Variants in RNF10 observed in about 807,000 individuals in gnomAD.
The protein encoded by RNF10 is E3 ubiquitin-protein ligase RNF10.
A neutral mutation model predicts 91.4 loss-of-function variants in RNF10; 38 were observed. That is an observed-to-expected ratio of 0.42 (90% CI 0.32 to 0.54). RNF10 has a LOEUF of 0.54. RNF10 is among the 20% of genes least tolerant of loss of function. RNF10 has a pLI of 0.16. For missense variants in RNF10, 945 were observed against 1,012.0 expected (o/e 0.93, Z 0.90); for synonymous variants, 364 against 366.3 (o/e 0.99, Z 0.07).
rs1361692415 is a variant in RNF10, at chr12:120,552,577, AATT to A, written c.434_436del (p.Asn145_Phe146delinsIle). On this transcript the variant is annotated inframe_deletion, in exon 3 of 17. Coordinates refer to ENST00000325954, the MANE Select transcript of RNF10 (RefSeq NM_014868.5). Reference sequence around the variant, plus strand: ...GAAGATCAACCTGAACCACTTGTTGAATTTCACTTTTGAACCCCGTGGCCAGAC... The same window carrying A: ...GAAGATCAACCTGAACCACTTGTTGATCACTTTTGAACCCCGTGGCCAGAC... 1 of 1,614,200 alleles carries A rather than the reference AATT, an allele frequency of 6.2e-7. No individual in the cohort carries two copies.
intron 16 of RNF10, 114 bp downstream of exon 16, chr12:120,576,064 C>A: frequency 9.7e-7 from 1 of 1,032,948 alleles, no homozygotes; most frequent in East Asian, 2.4e-5. Flanking sequence ...CTTCTGAACC[C>A]TTCAGCACAC....
Position 120,565,023 on chromosome 12 carries a change from T to G in RNF10, c.1666-49T>G, listed in dbSNP as rs745417589. 20 of 1,311,490 alleles carry G rather than the reference T, an allele frequency of 1.5e-5. No homozygotes were observed. In the South Asian group the frequency reaches 2.4e-4, roughly 16 times the overall value. 81.2% of individuals were successfully genotyped at this position (1,311,490 alleles called of 1,614,324 possible). A position where few individuals can be genotyped will look rare whatever the true frequency, so the allele number is the denominator to read the frequency against. On this transcript the variant is annotated intron_variant, in intron 10 of 16. Coordinates refer to ENST00000325954, the MANE Select transcript of RNF10 (RefSeq NM_014868.5). ...ATATCGGGGTTAGGACCCCCTGCTT[T>G]CAGAGTTAGGCTTGCTTTTGTTGAG...
chr12:120,575,432 T>C (rs1877256704), intron 14 of RNF10, 199 bp from the exon 15 acceptor site: 2 of 605,836 alleles, frequency 3.3e-6, no homozygotes, highest in South Asian at 4.0e-5. Context: ...TTTACTACCT[T>C]GTGGGTTTCA....
At chr12:120,572,676 A>C (rs1593119733) in intron 14 of RNF10, among the ~76,000 whole-genome samples, 1 of 151,612 alleles carries the variant, frequency 6.6e-6, no homozygotes, top group African/African-American at 2.4e-5. Flanking sequence ...GCTCACTGCA[A>C]CCACCGCCTC....
At chr12:120,563,288 A>G in intron 8 of RNF10, 59 bp from the exon 9 acceptor site, 6 of 1,557,752 alleles carry the variant, frequency 3.9e-6, no homozygotes, top group Non-Finnish European at 5.2e-6. Context: ...TGCATTTGCC[A>G]CATTGCTTTC....
rs1873290844 is a variant in RNF10 at position 120,552,682 on chromosome 12, C to T, written c.538C>T (p.Leu180Phe). Residue 180 changes from leucine (L) to phenylalanine (F), a missense_variant, in exon 3 of 17, where the codon CTC becomes TTC. Physicochemically the swap from Leu to Phe is conservative, Grantham distance 22. Coordinates refer to ENST00000325954, the MANE Select transcript of RNF10 (RefSeq NM_014868.5). ...GGGACATAAGCCTTTTAACAAGGAA[C>T]TCTTTTTACAGGCCAAGTGAGTATT... is the stretch of plus-strand genomic sequence containing the variant. ...KWGHKPFNKELFLQANCQFVV... is the reference protein window; with the variant it reads ...KWGHKPFNKEFFLQANCQFVV... The T allele has an allele frequency of 6.2e-7, 1 of 1,613,840 alleles. No homozygotes were observed. The highest frequency in any genetic ancestry group is 8.5e-7 in the Non-Finnish European group (1 of 1,179,998).
rs1367061471 is a variant in RNF10 at position 120,534,406 on chromosome 12, G to T, written c.-406G>T. On this transcript the variant is annotated 5_prime_UTR_variant, in exon 1 of 17. Transcript: ENST00000325954. ...CCGGAGCAGGTCGGCCTCGGCCCAG[G>T]GGCGAGTATCCGTTGCTGTGTCGGA... 1 of 178,474 alleles carries T rather than the reference G, an allele frequency of 5.6e-6. No homozygotes were observed. The highest frequency in any genetic ancestry group is 1.2e-5 in the Non-Finnish European group (1 of 85,910). The allele number at this position is 178,474 out of a possible 1,614,324, so 11.1% of individuals were successfully genotyped here.
intron 6 of RNF10, 106 bp from the exon 7 acceptor site, chr12:120,560,620 C>T: frequency 6.7e-6 from 7 of 1,041,034 alleles, no homozygotes; most frequent in Non-Finnish European, 8.4e-6. Flanking sequence ...GCTAAATTAC[C>T]CCATTTTCAC....
At chr12:120,548,882 C>T (rs887233534) in intron 2 of RNF10, among the ~76,000 whole-genome samples, 8 of 151,838 alleles carry the variant, frequency 5.3e-5, no homozygotes, top group Admixed American at 1.3e-4. Context: ...GTGTTAGCCA[C>T]GGTGGTCTCG....
In RNF10 at chr12:120,560,776, G is replaced by T. The variant is rs1321194429; in HGVS notation, c.1018G>T (p.Val340Leu). 3.1e-6 allele frequency: 5 copies of T among 1,614,014 alleles called. No homozygotes were observed. In the Admixed American group the frequency reaches 6.7e-5, roughly 22 times the overall value. The change falls in exon 7 of 17, where the codon GTG becomes TTG. Residue 340 changes from valine (V) to leucine (L), a missense_variant. Coordinates refer to ENST00000325954, the MANE Select transcript of RNF10 (RefSeq NM_014868.5). ...GTTGCTGCTGGCCTCTAAGGAGCAG[G>T]TGCTGCACCGGGTAGTTCTGGAGGA... ...SKLLLASKEQ[V>L]LHRVVLEEKV...
chr12:120,552,394 C>T (rs1593072103), intron 2 of RNF10, 105 bp from the exon 3 acceptor site: 13 of 902,854 alleles, frequency 1.4e-5, no homozygotes, highest in African/African-American at 5.1e-5. Context: ...AGTAAGACTC[C>T]GTCTCAAAAA....
chr12:120,543,419 G>C (rs1871851824), intron 1 of RNF10, among the ~76,000 whole-genome samples: 1 of 152,084 alleles, frequency 6.6e-6, no homozygotes, highest in African/African-American at 2.4e-5. Flanking sequence ...GCTGAGGTGG[G>C]AAGATCACCT....
chr12:120,552,105 C>T (rs1313402024), intron 2 of RNF10, among the ~76,000 whole-genome samples: 1 of 147,130 alleles, frequency 6.8e-6, no homozygotes, highest in Admixed American at 6.9e-5. Context: ...AAAAAAATTC[C>T]TCTTCCTGGC....
At chr12:120,569,733 T>TCGC (rs1424820704) in intron 13 of RNF10, among the ~76,000 whole-genome samples, 8 of 151,976 alleles carry the variant, frequency 5.3e-5, no homozygotes, top group Non-Finnish European at 1.0e-4. Context: ...AGATGGGGTT[T>TCGC]CGCCATGTTG....
chr12:120,534,681 AG>A lies in RNF10; in HGVS notation c.-128del. 1.4e-6 allele frequency: 2 copies of A among 1,380,626 alleles called. No individual in the cohort carries two copies. The highest frequency in any genetic ancestry group is 1.9e-6 in the Non-Finnish European group (2 of 1,076,742). 85.5% of individuals were successfully genotyped at this position (1,380,626 alleles called of 1,614,324 possible). Reference sequence around the variant, plus strand: ...AGTTTGAGAAGCCAAGGAAGGAAACAGGGAAAAATGTCGCCATGAAGGCCGA... The same window carrying A: ...AGTTTGAGAAGCCAAGGAAGGAAACAGGAAAAATGTCGCCATGAAGGCCGA... On this transcript the variant is annotated 5_prime_UTR_variant, in exon 1 of 17. Coordinates refer to ENST00000325954, the MANE Select transcript of RNF10 (RefSeq NM_014868.5).
At chr12:120,557,192 A>T in intron 4 of RNF10, 90 bp from the exon 5 acceptor site, 1 of 1,096,184 alleles carries the variant, frequency 9.1e-7, no homozygotes. Flanking sequence ...GATGAGAGAG[A>T]TGCGGATGAG....
At chr12:120,548,076 C>T (rs1352634620) in intron 2 of RNF10, among the ~76,000 whole-genome samples, 1 of 152,134 alleles carries the variant, frequency 6.6e-6, no homozygotes, top group African/African-American at 2.4e-5. Context: ...GTACCTTTTG[C>T]TGGAATGGAG....
At chr12:120,565,329 C>A in intron 11 of RNF10, 99 bp from the exon 12 acceptor site, 2 of 1,213,820 alleles carry the variant, frequency 1.6e-6, no homozygotes, top group East Asian at 4.7e-5. Context: ...TCATCTAGTC[C>A]AGCTGGGCCT....
chr12:120,565,904 G>A (rs1365401834), intron 12 of RNF10, among the ~76,000 whole-genome samples: 1 of 152,204 alleles, frequency 6.6e-6, no homozygotes, highest in African/African-American at 2.4e-5. Context: ...TCTGCCAGGT[G>A]GGTCTGATAA....
Sources: allele counts gnomAD v4.1 joint callset (sites outside exome capture counted in the v4.1 genomes callset), GRCh38; gene constraint gnomAD v4.1.1; transcripts MANE v1.5; gene names NCBI Gene and HGNC (gene_info 2026-07-23, HGNC 2026-07-21).